CYP11B2: variants seen among roughly 807,000 people sequenced by gnomAD.
CYP11B2 encodes the protein cytochrome P450 family 11 subfamily B member 2.
A neutral mutation model predicts 49.3 loss-of-function variants in CYP11B2; 38 were observed. That is an observed-to-expected ratio of 0.77 (90% CI 0.59 to 1.01). CYP11B2 has a LOEUF of 1.01. CYP11B2 is among the 50% of genes least tolerant of loss of function. CYP11B2 has a pLI of 0.00. For synonymous variants in CYP11B2, 290 were observed against 269.3 expected, an observed-to-expected ratio of 1.08 and a Z score of -0.75; for missense variants, 669 against 655.5, an observed-to-expected ratio of 1.02 and a Z score of -0.23.
In CYP11B2 at chr8:142,917,662, C is replaced by T. The variant is rs371296931; in HGVS notation, c.179G>A (p.Gly60Asp). 9 of 1,614,132 alleles carry T rather than the reference C, an allele frequency of 5.6e-6. No homozygotes were observed. Among genetic ancestry groups the T allele is most frequent in the Non-Finnish European group, 7.6e-6 (9 of 1,180,056 alleles). Residue 60 changes from glycine to aspartate, a missense_variant, in exon 1 of 9, where the codon GGT (glycine) becomes GAT (aspartate). Gly to Asp is a moderately conservative substitution (Grantham distance 94, BLOSUM62 -1). Coordinates refer to ENST00000323110, the MANE Select transcript of CYP11B2 (RefSeq NM_000498.3). Reference protein sequence around the residue: ...LRLLQIWREQGYEHLHLEMHQ... With the variant: ...LRLLQIWREQDYEHLHLEMHQ... ...CATCTCCAGGTGCAGGTGCTCATAA[C>T]CCTGCTCCCTCCAGATCTGCAGCAG...
At chr8:142,912,507 C>T in intron 8 of CYP11B2, 23 bp downstream of exon 8, 1 of 1,583,932 alleles carries the variant, frequency 6.3e-7, no homozygotes, top group Non-Finnish European at 8.7e-7. Context: ...CCAGGTCCCG[C>T]CCCCGCCCCC....
rs1231223255 is a variant in CYP11B2 at position 142,914,434 on chromosome 8, G to A, written c.800-16C>T. 2 of 1,606,792 alleles carry A rather than the reference G, an allele frequency of 1.2e-6. No homozygotes were observed. Among genetic ancestry groups the A allele is most frequent in the East Asian group, 4.5e-5 (2 of 44,618 alleles). ...CAGTTGTCACCTGTCCAGGGAGCAG[G>A]GGACAGCCCTCAGATCTTGGTGCTG... On this transcript the variant is annotated splice_polypyrimidine_tract_variant and intron_variant, in intron 4 of 8. Transcript: ENST00000323110.
At chr8:142,912,391 C>T in intron 8 of CYP11B2, 139 bp downstream of exon 8, 1 of 1,016,536 alleles carries the variant, frequency 9.8e-7, no homozygotes, top group Non-Finnish European at 1.5e-6. Context: ...CACAGATCCT[C>T]CCTGGTCACG....
chr8:142,913,975 G>A, intron 5 of CYP11B2: 1 of 566,960 alleles, frequency 1.8e-6, no homozygotes, highest in South Asian at 1.5e-5. Context: ...CTTTCCAGTG[G>A]GGACAGAGCT....
At chr8:142,913,019 G>T in intron 6 of CYP11B2, 134 bp from the exon 7 acceptor site, 1 of 958,518 alleles carries the variant, frequency 1.0e-6, no homozygotes, top group Non-Finnish European at 1.6e-6. Flanking sequence ...GTACTTCCTT[G>T]CACCTGCTGA....
chr8:142,916,383 C>T, intron 2 of CYP11B2: 1 of 456,412 alleles, frequency 2.2e-6, no homozygotes, highest in Non-Finnish European at 4.4e-6. Context: ...CTCATCCAGT[C>T]CTTCCCCCGT....
intron 7 of CYP11B2, 22 bp downstream of exon 7, chr8:142,912,785 G>C (rs1404465514): frequency 2.5e-6 from 4 of 1,613,480 alleles, no homozygotes; most frequent in Admixed American, 1.7e-5. Context: ...TTCTCAGCTC[G>C]AGGGGTGTGG....
At chr8:142,916,340 C>T (rs1817645208) in intron 2 of CYP11B2, 2 of 449,614 alleles carry the variant, frequency 4.4e-6, no homozygotes, top group Non-Finnish European at 9.0e-6. Context: ...TCCCTTCCTA[C>T]CATGGAGTGG....
intron 5 of CYP11B2, chr8:142,913,890 C>T (rs1036847107): frequency 3.0e-5 from 15 of 492,124 alleles, no homozygotes; most frequent in East Asian, 2.8e-4. Flanking sequence ...CCAAGGTGAC[C>T]GGGCACACTG....
At chr8:142,914,501 G>A (rs577065802) in intron 4 of CYP11B2, 83 bp from the exon 5 acceptor site, 23 of 1,476,592 alleles carry the variant, frequency 1.6e-5, no homozygotes, top group East Asian at 1.5e-4. Flanking sequence ...AGACTGCCCC[G>A]ACACCCAAAT....
In CYP11B2 at chr8:142,917,758, G is replaced by A. The variant is rs143027239; in HGVS notation, c.83C>T (p.Ala28Val). 90 of 1,614,102 alleles carry A rather than the reference G, an allele frequency of 5.6e-5. No individual in the cohort carries two copies. The African/African-American group carries it at 1.1e-3, about 19-fold the overall frequency. Residue 28 changes from alanine to valine, a missense_variant, in exon 1 of 9, where the codon GCC (alanine) becomes GTC (valine). Physicochemically the swap from Ala to Val is moderately conservative, Grantham distance 64. Coordinates refer to ENST00000323110, the MANE Select transcript of CYP11B2 (RefSeq NM_000498.3). ...CAGCACCGTCCTAGGGGCCCGAGCG[G>A]CTCTAGTGCCCAGTGCCCGTGCCCT... Reference protein sequence around the residue: ...LQRARALGTRAARAPRTVLPF... With the variant: ...LQRARALGTRVARAPRTVLPF...
At position 142,912,898 on chromosome 8, in the gene CYP11B2, G is replaced by A. The variant is rs755837759; in HGVS notation, c.1122-13C>T. 13 of 1,610,564 alleles carry A rather than the reference G, an allele frequency of 8.1e-6. No homozygotes were observed. The East Asian group carries it at 1.6e-4, about 19-fold the overall frequency. Reference sequence around the variant, plus strand: ...CACAGGGTAGAGCCTGGAGGTGGGGGCATCCATAGAAAGGGTCCTCAGCTG... The same window carrying A: ...CACAGGGTAGAGCCTGGAGGTGGGGACATCCATAGAAAGGGTCCTCAGCTG... On this transcript the variant is annotated splice_polypyrimidine_tract_variant and intron_variant, in intron 6 of 8. Transcript: ENST00000323110.
chr8:142,914,188 T>C (rs1817593794), intron 5 of CYP11B2, 76 bp downstream of exon 5: 2 of 1,546,080 alleles, frequency 1.3e-6, no homozygotes, highest in Admixed American at 1.7e-5. Context: ...GTGGGTGCCG[T>C]GTGGCATTGG....
At position 142,912,687 on chromosome 8, in the gene CYP11B2, G is replaced by T; in HGVS notation, c.1241C>A (p.Ala414Asp). The change falls in exon 8 of 9, where the codon GCC becomes GAC. Residue 414 changes from alanine to aspartate, a missense_variant. Coordinates refer to ENST00000323110, the MANE Select transcript of CYP11B2 (RefSeq NM_000498.3). ...CCGCTCAGGCCTCGGGAACAAGGCG[G>T]CATTGCGACCCAGCGAGTAGAGGAA... ...QVFLYSLGRN[A>D]ALFPRPERYN... 1 of 1,614,090 alleles carries T rather than the reference G, an allele frequency of 6.2e-7. No individual in the cohort carries two copies. The highest frequency in any genetic ancestry group is 8.5e-7 in the Non-Finnish European group (1 of 1,179,948).
At chr8:142,915,571 T>A (rs1456867720) in intron 2 of CYP11B2, among the ~76,000 whole-genome samples, 1 of 118,590 alleles carries the variant, frequency 8.4e-6, no homozygotes, top group Non-Finnish European at 2.1e-5. Context: ...AGTAACAGGG[T>A]AGGGCTTTTC....
At position 142,911,770 on chromosome 8, in the gene CYP11B2, A is replaced by G; in HGVS notation, c.*210T>C. The G allele has an allele frequency of 1.5e-6, 1 of 686,524 alleles. No individual in the cohort carries two copies. Among genetic ancestry groups the G allele is most frequent in the South Asian group, 1.9e-5 (1 of 52,942 alleles). The allele number at this position is 686,524 out of a possible 1,614,324, so 42.5% of individuals were successfully genotyped here. A position where few individuals can be genotyped will look rare whatever the true frequency, so the allele number is the denominator to read the frequency against. ...GGGGACAAGGCCAGGCCCTGCCAGC[A>G]AGATCGTCTCCAGCTGTGCCCTGGC... is the stretch of plus-strand genomic sequence containing the variant. On this transcript the variant is annotated 3_prime_UTR_variant, in exon 9 of 9. Coordinates refer to ENST00000323110, the MANE Select transcript of CYP11B2 (RefSeq NM_000498.3).
In CYP11B2 at chr8:142,914,420, T is replaced by G; in HGVS notation, c.800-2A>C. ...AGATTTTCTGGATACAGTTGTCACCTGTCCAGGGAGCAGGGGACAGCCCTC... is the reference window on the plus strand; with the variant it reads ...AGATTTTCTGGATACAGTTGTCACCGGTCCAGGGAGCAGGGGACAGCCCTC... On this transcript the variant is annotated splice_acceptor_variant, in intron 4 of 8. Coordinates refer to ENST00000323110, the MANE Select transcript of CYP11B2 (RefSeq NM_000498.3). LOFTEE classifies it high-confidence loss of function. The G allele has an allele frequency of 1.2e-6, 2 of 1,610,916 alleles. No homozygotes were observed. The highest frequency in any genetic ancestry group is 1.7e-6 in the Non-Finnish European group (2 of 1,178,400).
chr8:142,914,157 T>G, intron 5 of CYP11B2, 107 bp downstream of exon 5: 1 of 1,315,038 alleles, frequency 7.6e-7, no homozygotes, highest in East Asian at 2.3e-5. Flanking sequence ...ATGTGGGGCC[T>G]GTAGCCTGGG....
chr8:142,913,082 C>T (rs778369959), intron 6 of CYP11B2, among the ~76,000 whole-genome samples, 197 bp from the exon 7 acceptor site: 30 of 151,140 alleles, frequency 2.0e-4, no homozygotes, highest in African/African-American at 5.1e-4. Flanking sequence ...AAGGACATGC[C>T]CCACGTTAAT....
Sources: allele counts gnomAD v4.1 joint callset (sites outside exome capture counted in the v4.1 genomes callset), GRCh38; gene constraint gnomAD v4.1.1; transcripts MANE v1.5; gene names NCBI Gene and HGNC (gene_info 2026-07-23, HGNC 2026-07-21).